Variants in PCDHA9 observed in about 807,000 individuals in gnomAD.
The protein encoded by PCDHA9 is protocadherin alpha-9.
Under a neutral mutation model 62.0 loss-of-function variants are expected in PCDHA9, and 62 were observed. The ratio of observed to expected loss-of-function variants is 1.00; its 90% CI spans 0.81 to 1.23. The LOEUF (loss-of-function observed/expected upper bound fraction) is 1.23, where lower values mean the gene tolerates loss of function less well. Among genes scored for constraint, PCDHA9 ranks in the 50% most tolerant of loss-of-function variants. The pLI is 0.00. For synonymous variants in PCDHA9, 557 were observed against 567.6 expected, an observed-to-expected ratio of 0.98 and a Z score of 0.27; for missense variants, 1,205 against 1,249.8, an observed-to-expected ratio of 0.96 and a Z score of 0.54.
rs1554144012 is a variant in PCDHA9 at position 140,850,222 on chromosome 5, C to T, written c.1727C>T (p.Ala576Val). ...LTPRMRGTDG[A>V]VSEMVLRSVG... ...CCTCGGATGAGGGGCACTGACGGCGCAGTGAGCGAGATGGTGCTGCGGTCG... is the reference window on the plus strand; with the variant it reads ...CCTCGGATGAGGGGCACTGACGGCGTAGTGAGCGAGATGGTGCTGCGGTCG... Residue 576 changes from alanine to valine, a missense_variant, in exon 1 of 4, where the codon GCA becomes GTA. Coordinates refer to ENST00000532602, the MANE Select transcript of PCDHA9 (RefSeq NM_031857.2). 6.3e-7 allele frequency: 1 copy of T among 1,593,746 alleles called. No individual in the cohort carries two copies. The highest frequency in any genetic ancestry group is 2.2e-5 in the East Asian group (1 of 44,808).
intron 3 of PCDHA9, among the ~76,000 whole-genome samples, chr5:141,008,057 C>T (rs1472919496): frequency 3.9e-5 from 6 of 152,020 alleles, no homozygotes; most frequent in African/African-American, 1.2e-4. Context: ...GGGGTCCAGT[C>T]CATCTAAGAA....
chr5:140,934,209 C>G (rs1554209791), intron 1 of PCDHA9, among the ~76,000 whole-genome samples: 1 of 152,068 alleles, frequency 6.6e-6, no homozygotes, highest in Non-Finnish European at 1.5e-5. Context: ...TTTCCTCACA[C>G]AAAATGTTTA....
intron 1 of PCDHA9, chr5:140,966,564 T>A (rs1342180377): frequency 2.0e-6 from 1 of 488,548 alleles, no homozygotes; most frequent in Non-Finnish European, 3.4e-6. Context: ...GGAGCTGGAA[T>A]ATGGGGAGTC....
chr5:140,875,352 T>C lies in PCDHA9; in HGVS notation c.2394+24463T>C, dbSNP rs563345056. ...AATAGGATCGACTCCATAATGACTGTGATGCTGGAAAAAATTTACTAAATA... is the reference window on the plus strand; with the variant it reads ...AATAGGATCGACTCCATAATGACTGCGATGCTGGAAAAAATTTACTAAATA... On this transcript the variant is annotated intron_variant, in intron 1 of 3. Transcript: ENST00000532602. 15 of 1,445,236 alleles carry C rather than the reference T, an allele frequency of 1.0e-5. No individual in the cohort carries two copies. In the African/African-American group the frequency reaches 1.9e-4, roughly 18 times the overall value. The allele number at this position is 1,445,236 out of a possible 1,614,324, so 89.5% of individuals were successfully genotyped here.
chr5:140,882,189 T>A, intron 1 of PCDHA9: 6 of 1,519,304 alleles, frequency 3.9e-6, no homozygotes, highest in Non-Finnish European at 5.3e-6. Context: ...TAGGAAGCCA[T>A]AAAAATTGGG....
intron 1 of PCDHA9, among the ~76,000 whole-genome samples, chr5:140,952,671 A>C (rs1429468287): frequency 6.6e-6 from 1 of 152,176 alleles, no homozygotes; most frequent in Admixed American, 6.5e-5. Context: ...AGTCACTTTC[A>C]CATTTTCAGG....
At chr5:140,953,911 AG>A (rs1554221121) in intron 1 of PCDHA9, among the ~76,000 whole-genome samples, 1 of 152,120 alleles carries the variant, frequency 6.6e-6, no homozygotes, top group South Asian at 2.1e-4. Flanking sequence ...AGCATCCATT[AG>A]GTATTCTTCC....
chr5:140,950,087 T>G (rs1433717313), intron 1 of PCDHA9, among the ~76,000 whole-genome samples: 3 of 151,938 alleles, frequency 2.0e-5, no homozygotes, highest in Admixed American at 6.6e-5. Flanking sequence ...ATGCTATAGT[T>G]TTCATTTGTA....
At chr5:140,911,614 G>C (rs1298073663) in intron 1 of PCDHA9, among the ~76,000 whole-genome samples, 1 of 152,152 alleles carries the variant, frequency 6.6e-6, no homozygotes, top group Non-Finnish European at 1.5e-5. Flanking sequence ...ATGTTCCTTA[G>C]TTCCCCACAT....
At chr5:140,865,232 A>T (rs577307618) in intron 1 of PCDHA9, 1 of 152,202 alleles carries the variant, frequency 6.6e-6, no homozygotes, top group Non-Finnish European at 1.5e-5. Context: ...ATCCCAGAGA[A>T]CACGTATTTA....
chr5:140,862,649 C>T, intron 1 of PCDHA9: 1 of 543,104 alleles, frequency 1.8e-6, no homozygotes, highest in East Asian at 5.0e-5. Context: ...ACAGTGTCCG[C>T]GCGGGACCGG....
intron 1 of PCDHA9, chr5:140,966,193 G>C (rs1554228123): frequency 4.8e-6 from 1 of 207,392 alleles, no homozygotes; most frequent in Non-Finnish European, 9.5e-6. Flanking sequence ...CAGACTTCTA[G>C]GGGCTTGACT....
intron 1 of PCDHA9, among the ~76,000 whole-genome samples, chr5:140,916,305 G>T (rs2077519382): frequency 1.3e-5 from 2 of 152,156 alleles, no homozygotes; most frequent in South Asian, 2.1e-4. Context: ...TGGTACCAAA[G>T]GTGCAAGACA....
chr5:140,878,408 T>G (rs1554170402), intron 1 of PCDHA9, among the ~76,000 whole-genome samples: 2 of 152,244 alleles, frequency 1.3e-5, no homozygotes, highest in Non-Finnish European at 2.9e-5. Context: ...AAATATCTTC[T>G]TTATTTCAAG....
At chr5:140,856,849 T>G (rs1327483649) in intron 1 of PCDHA9, 1 of 1,593,444 alleles carries the variant, frequency 6.3e-7, no homozygotes, top group African/African-American at 1.3e-5. Flanking sequence ...ACGCTTCTGA[T>G]TCGGATGAAG....
At chr5:140,897,419 A>G (rs1329501260) in intron 1 of PCDHA9, among the ~76,000 whole-genome samples, 2 of 141,212 alleles carry the variant, frequency 1.4e-5, no homozygotes, top group East Asian at 4.3e-4. Flanking sequence ...ATTCCCATCT[A>G]TGAGTGAGAA....
intron 1 of PCDHA9, chr5:140,866,098 T>C (rs555628749): frequency 6.6e-6 from 1 of 152,318 alleles, no homozygotes; most frequent in African/African-American, 2.4e-5. Context: ...AATTGTTAAG[T>C]AATTAAGAGT....
At chr5:140,876,062 G>T in intron 1 of PCDHA9, 1 of 1,613,842 alleles carries the variant, frequency 6.2e-7, no homozygotes, top group Non-Finnish European at 8.5e-7. Context: ...TTAGTTCTTC[G>T]GAAGTTATTG....
chr5:140,853,345 C>A, intron 1 of PCDHA9: 2 of 982,280 alleles, frequency 2.0e-6, no homozygotes, highest in Non-Finnish European at 2.5e-6. Context: ...CATTAGCAAA[C>A]ATGAACTCAC....
Sources: allele counts gnomAD v4.1 joint callset (sites outside exome capture counted in the v4.1 genomes callset), GRCh38; gene constraint gnomAD v4.1.1; transcripts MANE v1.5; gene names NCBI Gene and HGNC (gene_info 2026-07-23, HGNC 2026-07-21).